Variants in CDK5RAP2 observed in about 807,000 individuals in gnomAD.
The protein encoded by CDK5RAP2 is CDK5 regulatory subunit associated protein 2.
Under a neutral mutation model 232.9 loss-of-function variants are expected in CDK5RAP2, and 147 were observed. That is an observed-to-expected ratio of 0.63 (90% CI 0.55 to 0.72). CDK5RAP2 has a LOEUF of 0.72. Among genes scored for constraint, CDK5RAP2 ranks in the 30% least tolerant of loss-of-function variants. The pLI, the probability that CDK5RAP2 is intolerant of heterozygous loss-of-function variation, is 0.00. For synonymous variants in CDK5RAP2, 833 were observed against 833.7 expected (o/e 1.00, Z 0.01); for missense variants, 2,195 against 2,231.5 (o/e 0.98, Z 0.33).
chr9:120,458,439 C>T lies in CDK5RAP2; in HGVS notation c.2375+11G>A. 1 of 1,613,738 alleles carries T rather than the reference C, an allele frequency of 6.2e-7. No homozygotes were observed. The highest frequency in any genetic ancestry group is 8.5e-7 in the Non-Finnish European group (1 of 1,179,690). ...TAGAGAAACAAAGGAATGCCTGGGC[C>T]CCATGTATACCTGGATTCCAGTAAT... On this transcript the variant is annotated intron_variant, in intron 20 of 37. Coordinates refer to ENST00000349780, the MANE Select transcript of CDK5RAP2 (RefSeq NM_018249.6).
intron 3 of CDK5RAP2, among the ~76,000 whole-genome samples, chr9:120,555,513 A>G (rs2042196450): frequency 1.3e-5 from 2 of 152,212 alleles, no homozygotes; most frequent in Non-Finnish European, 2.9e-5. Flanking sequence ...AAGTGCTGGA[A>G]TATGTGAGCC....
chr9:120,402,786 C>G lies in CDK5RAP2; in HGVS notation c.5307+20G>C, dbSNP rs746111764. 95 of 1,613,266 alleles carry G rather than the reference C, an allele frequency of 5.9e-5. No individual in the cohort carries two copies. Among genetic ancestry groups the G allele is most frequent in the Non-Finnish European group, 7.3e-5 (86 of 1,179,972 alleles). On this transcript the variant is annotated intron_variant, in intron 34 of 37. Transcript: ENST00000349780. Reference sequence around the variant, plus strand: ...CTCCCAGGGAGCAGCTTGTGCCCCCCAGCTCTGTGGTCAGGTTACCTTTGT... The same window carrying G: ...CTCCCAGGGAGCAGCTTGTGCCCCCGAGCTCTGTGGTCAGGTTACCTTTGT...
intron 26 of CDK5RAP2, among the ~76,000 whole-genome samples, chr9:120,420,944 T>G (rs913806804): frequency 6.6e-6 from 1 of 152,142 alleles, no homozygotes; most frequent in African/African-American, 2.4e-5. Context: ...CTGTCAGAAA[T>G]GAAAAGGAGT....
rs75013945 is a variant in CDK5RAP2, at chr9:120,500,283, GT to G, written c.1312-8807del. Among the ~76,000 whole-genome samples the G allele has an allele frequency of 0.011, 1,690 of 150,478 alleles. 61 individuals are homozygous for G. The East Asian group carries it at 0.11, about 10-fold the overall frequency. ...AGGAAGAGCTGTGAGCATAAAACAA[GT>G]TTTTTTTTTCTAACTTCTGATTTGT... On this transcript the variant is annotated intron_variant, in intron 12 of 37. Transcript: ENST00000349780.
intron 7 of CDK5RAP2, among the ~76,000 whole-genome samples, chr9:120,533,983 T>C (rs2041275912): frequency 6.6e-6 from 1 of 152,046 alleles, no homozygotes; most frequent in Admixed American, 6.5e-5. Flanking sequence ...AGCTCTTTCC[T>C]GGATTTCTGC....
Position 120,528,798 on chromosome 9 carries a change from C to T in CDK5RAP2, c.826-1G>A. 1 of 1,608,674 alleles carries T rather than the reference C, an allele frequency of 6.2e-7. No individual in the cohort carries two copies. Among genetic ancestry groups the T allele is most frequent in the Non-Finnish European group, 8.5e-7 (1 of 1,175,024 alleles). Reference sequence around the variant, plus strand: ...CCTTCTGATGCTCCATTTGTGCAGCCTAAGAAAAGGCATTAATTGGTGTGA... The same window carrying T: ...CCTTCTGATGCTCCATTTGTGCAGCTTAAGAAAAGGCATTAATTGGTGTGA... On this transcript the variant is annotated splice_acceptor_variant, in intron 8 of 37. Coordinates refer to ENST00000349780, the MANE Select transcript of CDK5RAP2 (RefSeq NM_018249.6). LOFTEE classifies it high-confidence loss of function.
At position 120,555,288 on chromosome 9, in the gene CDK5RAP2, C is replaced by T. The variant is rs146387772; in HGVS notation, c.196-4386G>A. Among the ~76,000 whole-genome samples, 1,327 of 152,198 alleles carry T rather than the reference C, an allele frequency of 8.7e-3. 20 individuals are homozygous for T. The highest frequency in any genetic ancestry group is 0.03 in the African/African-American group (1,238 of 41,524). On this transcript the variant is annotated intron_variant, in intron 3 of 37. Transcript: ENST00000349780. ...CTGGGATTACAGGCACGCACTACCACGCTCGGCTAAGTTTTTGTATTTTTT... is the reference window on the plus strand; with the variant it reads ...CTGGGATTACAGGCACGCACTACCATGCTCGGCTAAGTTTTTGTATTTTTT...
chr9:120,478,077 A>G (rs1178278920), intron 14 of CDK5RAP2, among the ~76,000 whole-genome samples: 4 of 152,178 alleles, frequency 2.6e-5, no homozygotes, highest in Non-Finnish European at 5.9e-5. Context: ...CAAATGTGAA[A>G]TTTTTTAATG....
intron 21 of CDK5RAP2, among the ~76,000 whole-genome samples, chr9:120,448,672 G>A (rs908751458): frequency 6.6e-6 from 1 of 152,154 alleles, no homozygotes; most frequent in African/African-American, 2.4e-5. Flanking sequence ...TGTCTCCGCT[G>A]CAAATCTACG....
chr9:120,413,814 G>GGAGGAGC (rs1564186549), intron 28 of CDK5RAP2, among the ~76,000 whole-genome samples: 5 of 142,014 alleles, frequency 3.5e-5, no homozygotes, highest in African/African-American at 1.4e-4. Context: ...GAGCGAGGAG[G>GGAGGAGC]GAGGAGGGAG....
chr9:120,478,133 GTTAC>G (rs1037268917), intron 14 of CDK5RAP2, among the ~76,000 whole-genome samples: 4 of 152,226 alleles, frequency 2.6e-5, no homozygotes, highest in Non-Finnish European at 5.9e-5. Flanking sequence ...ACTCTGGGAA[GTTAC>G]TTACTAGGAG....
At position 120,439,603 on chromosome 9, in the gene CDK5RAP2, C is replaced by T; in HGVS notation, c.3518G>A (p.Ser1173Asn). Residue 1173 changes from serine to asparagine, a missense_variant, in exon 24 of 38, where the codon AGT becomes AAT. Ser to Asn is a conservative substitution (Grantham distance 46). Coordinates refer to ENST00000349780, the MANE Select transcript of CDK5RAP2 (RefSeq NM_018249.6). Reference sequence around the variant, plus strand: ...TTTCACGTATCGCACTTGGTGCAAACTTGAAAAGGTCATTTCTTCCCCATC... The same window carrying T: ...TTTCACGTATCGCACTTGGTGCAAATTTGAAAAGGTCATTTCTTCCCCATC... ...GSDGEEMTFS[S>N]LHQVRYVKHV... 1 of 1,614,196 alleles carries T rather than the reference C, an allele frequency of 6.2e-7. No individual in the cohort carries two copies. Among genetic ancestry groups the T allele is most frequent in the Non-Finnish European group, 8.5e-7 (1 of 1,180,032 alleles).
intron 25 of CDK5RAP2, among the ~76,000 whole-genome samples, chr9:120,427,115 C>T (rs954833218): frequency 6.6e-6 from 1 of 152,142 alleles, no homozygotes; most frequent in African/African-American, 2.4e-5. Context: ...GCAGGACACC[C>T]TTCAAATCAG....
intron 7 of CDK5RAP2, among the ~76,000 whole-genome samples, chr9:120,531,633 G>A (rs1322239226): frequency 1.3e-5 from 2 of 151,592 alleles, no homozygotes; most frequent in African/African-American, 4.9e-5. Flanking sequence ...TTTTTAACAT[G>A]TAACAATTAG....
intron 13 of CDK5RAP2, among the ~76,000 whole-genome samples, chr9:120,489,668 T>G (rs1026278752): frequency 6.6e-6 from 1 of 152,216 alleles, no homozygotes; most frequent in Non-Finnish European, 1.5e-5. Context: ...TTTCCAAATA[T>G]CTTTTTTGTC....
intron 1 of CDK5RAP2, among the ~76,000 whole-genome samples, chr9:120,574,049 G>A (rs1031419740): frequency 6.6e-6 from 1 of 152,172 alleles, no homozygotes; most frequent in Non-Finnish European, 1.5e-5. Context: ...CTCAAGCCAA[G>A]ATCAATCACA....
intron 2 of CDK5RAP2, among the ~76,000 whole-genome samples, chr9:120,571,452 C>T (rs2042852752): frequency 6.6e-6 from 1 of 152,222 alleles, no homozygotes; most frequent in Admixed American, 6.5e-5. Flanking sequence ...ACCCAAACTG[C>T]AAAGTCTCCT....
At chr9:120,505,053 G>A (rs1299477101) in intron 12 of CDK5RAP2, among the ~76,000 whole-genome samples, 4 of 152,144 alleles carry the variant, frequency 2.6e-5, no homozygotes, top group Admixed American at 2.6e-4. Context: ...CTATGAAGCA[G>A]GTACAGGCAT....
intron 12 of CDK5RAP2, among the ~76,000 whole-genome samples, chr9:120,501,149 T>A (rs780479134): frequency 6.6e-6 from 1 of 152,152 alleles, no homozygotes; most frequent in Non-Finnish European, 1.5e-5. Flanking sequence ...TGCCCTCTTC[T>A]CCTGTGGCTC....
Sources: allele counts gnomAD v4.1 joint callset (sites outside exome capture counted in the v4.1 genomes callset), GRCh38; gene constraint gnomAD v4.1.1; transcripts MANE v1.5; gene names NCBI Gene and HGNC (gene_info 2026-07-23, HGNC 2026-07-21).